Variants in TLN2 observed in about 807,000 individuals in gnomAD.
The protein encoded by TLN2 is talin-2.
Under a neutral mutation model 294.7 loss-of-function variants are expected in TLN2, and 118 were observed. The observed-to-expected ratio is 0.40, with a 90% CI of 0.34 to 0.47. The LOEUF (loss-of-function observed/expected upper bound fraction) is 0.47. Ranked by LOEUF, TLN2 falls within the 20% of genes least tolerant of loss-of-function variation. TLN2 has a pLI of 0.84. For missense variants in TLN2, 3,083 were observed against 3,282.2 expected, an observed-to-expected ratio of 0.94 and a Z score of 1.48; for synonymous variants, 1,431 against 1,304.5, an observed-to-expected ratio of 1.10 and a Z score of -2.09.
At chr15:62,550,428 G>T (rs181661049) in intron 1 of TLN2, among the ~76,000 whole-genome samples, 8 of 152,222 alleles carry the variant, frequency 5.3e-5, no homozygotes, top group East Asian at 3.9e-4. Context: ...ATTTATCTTT[G>T]TTATATTAGC....
intron 27 of TLN2, 102 bp from the exon 28 acceptor site, chr15:62,726,985 A>G (rs1427893168): frequency 5.0e-6 from 6 of 1,200,352 alleles, no homozygotes; most frequent in Non-Finnish European, 5.9e-6. Context: ...GGAAAGAGCT[A>G]GGGCTCAAAG....
intron 3 of TLN2, among the ~76,000 whole-genome samples, chr15:62,621,623 G>T (rs2048837436): frequency 6.6e-6 from 1 of 152,150 alleles, no homozygotes; most frequent in Non-Finnish European, 1.5e-5. Flanking sequence ...GGGTGGCAGA[G>T]GTACTTATAT....
At chr15:62,717,731 AC>A in intron 24 of TLN2, 42 bp downstream of exon 24, 2 of 1,408,900 alleles carry the variant, frequency 1.4e-6, no homozygotes, top group Non-Finnish European at 1.9e-6. Flanking sequence ...GCTGCAGATG[AC>A]CCTGATAACA....
At chr15:62,705,850 T>C (rs1595730327) in intron 19 of TLN2, among the ~76,000 whole-genome samples, 1 of 152,306 alleles carries the variant, frequency 6.6e-6, no homozygotes, top group Middle Eastern at 3.4e-3. Flanking sequence ...ATACCTTGGA[T>C]AGCCAGGAAA....
At chr15:62,492,138 A>G (rs947628080) in intron 1 of TLN2, among the ~76,000 whole-genome samples, 2 of 152,148 alleles carry the variant, frequency 1.3e-5, no homozygotes, top group African/African-American at 4.8e-5. Flanking sequence ...GATAAATTAG[A>G]AGATTTAGTC....
At chr15:62,607,168 A>T (rs1327469589) in intron 2 of TLN2, among the ~76,000 whole-genome samples, 1 of 152,138 alleles carries the variant, frequency 6.6e-6, no homozygotes, top group East Asian at 1.9e-4. Flanking sequence ...CCCTTCAAGC[A>T]CCCTTGGCTT....
intron 55 of TLN2, chr15:62,834,851 G>A (rs1345260802): frequency 6.6e-6 from 1 of 152,184 alleles, no homozygotes; most frequent in Non-Finnish European, 1.5e-5. Context: ...CCAACACATT[G>A]CTTAGATACT....
chr15:62,661,975 A>G (rs967904591), intron 9 of TLN2, among the ~76,000 whole-genome samples: 4 of 152,206 alleles, frequency 2.6e-5, no homozygotes, highest in African/African-American at 7.2e-5. Flanking sequence ...GGAAAAATAG[A>G]CTGTATTGCA....
chr15:62,752,512 T>TC (rs1487879757), intron 35 of TLN2, 85 bp downstream of exon 35: 5 of 1,547,244 alleles, frequency 3.2e-6, no homozygotes, highest in Non-Finnish European at 3.5e-6. Flanking sequence ...CACCTCTTTC[T>TC]CCAAGTACCA....
chr15:62,786,110 C>A (rs1382184537), intron 45 of TLN2, among the ~76,000 whole-genome samples: 3 of 152,072 alleles, frequency 2.0e-5, no homozygotes, highest in Non-Finnish European at 2.9e-5. Context: ...AAGGAAAATT[C>A]TTTGTGTACA....
At chr15:62,720,126 C>T (rs900029040) in intron 25 of TLN2, among the ~76,000 whole-genome samples, 1 of 152,220 alleles carries the variant, frequency 6.6e-6, no homozygotes, top group Non-Finnish European at 1.5e-5. Context: ...TCAGGATTAT[C>T]GTATTTATTT....
At chr15:62,746,764 G>C (rs2061637712) in intron 32 of TLN2, among the ~76,000 whole-genome samples, 1 of 152,128 alleles carries the variant, frequency 6.6e-6, no homozygotes, top group African/African-American at 2.4e-5. Flanking sequence ...GTCGAATTCT[G>C]GGCCCTGCCA....
In TLN2 at chr15:62,797,179, C is replaced by G. The variant is rs144648521; in HGVS notation, c.6051-40C>G. The G allele has an allele frequency of 1.9e-6, 3 of 1,610,914 alleles. No homozygotes were observed. In the African/African-American group the frequency reaches 4.0e-5, roughly 21 times the overall value. ...TCTTGAAGTAATCAAGCTTTGCCCTCTGTCTCTCCCCCTCTCCCCTGCCCT... is the reference window on the plus strand; with the variant it reads ...TCTTGAAGTAATCAAGCTTTGCCCTGTGTCTCTCCCCCTCTCCCCTGCCCT... On this transcript the variant is annotated intron_variant, in intron 47 of 58. Coordinates refer to ENST00000636159, the MANE Select transcript of TLN2 (RefSeq NM_015059.3).
intron 1 of TLN2, among the ~76,000 whole-genome samples, chr15:62,400,138 T>A (rs1378061296): frequency 6.6e-6 from 1 of 152,172 alleles, no homozygotes; most frequent in Non-Finnish European, 1.5e-5. Context: ...TATGAGGGGC[T>A]TTTCCCCCTT....
intron 1 of TLN2, among the ~76,000 whole-genome samples, chr15:62,548,414 C>T (rs1026084004): frequency 3.3e-5 from 5 of 152,136 alleles, no homozygotes; most frequent in Non-Finnish European, 7.4e-5. Context: ...CCCAAATTGG[C>T]TTAAACAATA....
intron 1 of TLN2, among the ~76,000 whole-genome samples, chr15:62,533,398 A>G (rs1198415790): frequency 6.6e-6 from 1 of 151,882 alleles, no homozygotes; most frequent in African/African-American, 2.4e-5. Flanking sequence ...GATGTTTTCC[A>G]TGATGGCTCC....
chr15:62,739,659 A>G, intron 31 of TLN2, 114 bp downstream of exon 31: 5 of 1,289,410 alleles, frequency 3.9e-6, no homozygotes, highest in Non-Finnish European at 2.1e-6. Flanking sequence ...CAGGCAGGCC[A>G]TGGTTGCATT....
chr15:62,571,763 A>G (rs918499800), intron 1 of TLN2, among the ~76,000 whole-genome samples: 2 of 152,142 alleles, frequency 1.3e-5, no homozygotes, highest in Non-Finnish European at 2.9e-5. Flanking sequence ...TCAACATCAC[A>G]TCATTTCATC....
At chr15:62,839,928 T>G (rs2070412784) in intron 58 of TLN2, among the ~76,000 whole-genome samples, 1 of 152,192 alleles carries the variant, frequency 6.6e-6, no homozygotes, top group South Asian at 2.1e-4. Context: ...TGACTTTGCT[T>G]TTTTGAACAC....
Sources: gnomAD v4.1 joint callset for allele counts (sites outside exome capture counted in the v4.1 genomes callset) on GRCh38, gnomAD v4.1.1 for gene constraint, MANE v1.5 for transcripts, NCBI Gene and HGNC (gene_info 2026-07-23, HGNC 2026-07-21) for gene names.